The following SGCZ variants were observed in gnomAD, a reference collection of about 807,000 sequenced individuals.
SGCZ encodes zeta-sarcoglycan.
In SGCZ, 40 loss-of-function variants were observed where a neutral mutation model predicts 41.3. The observed-to-expected ratio is 0.97, with a 90% CI of 0.75 to 1.26. The LOEUF (loss-of-function observed/expected upper bound fraction) is 1.26. Ranked by LOEUF, SGCZ falls within the 50% of genes most tolerant of loss-of-function variation. The pLI is 0.00. For missense variants in SGCZ, 552 were observed against 369.8 expected, an observed-to-expected ratio of 1.49 and a Z score of -4.04; for synonymous variants, 206 against 137.5, an observed-to-expected ratio of 1.50 and a Z score of -3.49.
At chr8:15,171,937 G>A (rs1449156495) in intron 1 of SGCZ, among the ~76,000 whole-genome samples, 1 of 152,058 alleles carries the variant, frequency 6.6e-6, no homozygotes, top group African/African-American at 2.4e-5. Flanking sequence ...CAATTGAACA[G>A]AGTGCCTTCT....
intron 1 of SGCZ, among the ~76,000 whole-genome samples, chr8:14,825,312 A>G (rs1802263074): frequency 6.6e-6 from 1 of 152,144 alleles, no homozygotes; most frequent in Non-Finnish European, 1.5e-5. Flanking sequence ...ATCTCTCACT[A>G]TTCTTGTTTT....
chr8:15,096,122 G>C (rs1396950551), intron 1 of SGCZ, among the ~76,000 whole-genome samples: 1 of 151,982 alleles, frequency 6.6e-6, no homozygotes, highest in East Asian at 1.9e-4. Flanking sequence ...CTGTACCGCA[G>C]GCTGGAGTGC....
At chr8:14,343,120 G>A (rs1802768094) in intron 2 of SGCZ, among the ~76,000 whole-genome samples, 1 of 152,224 alleles carries the variant, frequency 6.6e-6, no homozygotes, top group Admixed American at 6.5e-5. Context: ...ATGAGGTTTG[G>A]ACACCTCTGC....
intron 7 of SGCZ, among the ~76,000 whole-genome samples, chr8:14,091,655 C>A (rs1801692462): frequency 6.6e-6 from 1 of 152,084 alleles, no homozygotes; most frequent in African/African-American, 2.4e-5. Context: ...ATTCTTCACC[C>A]ACTTTTTGAT....
At chr8:14,619,222 C>G (rs1585130010) in intron 1 of SGCZ, among the ~76,000 whole-genome samples, 2 of 152,156 alleles carry the variant, frequency 1.3e-5, no homozygotes, top group East Asian at 3.9e-4. Context: ...CAGAAAAGGC[C>G]TTTGACAAAA....
At chr8:14,375,111 TAGACAGACAGACAGAC>T (rs77420529) in intron 2 of SGCZ, among the ~76,000 whole-genome samples, 8 of 150,258 alleles carry the variant, frequency 5.3e-5, no homozygotes, top group East Asian at 2.0e-4. Flanking sequence ...GATAGATAGA[TAGACAGACAGACAGAC>T]AGACAGACAG....
intron 4 of SGCZ, among the ~76,000 whole-genome samples, chr8:14,201,332 G>C (rs1395049138): frequency 6.6e-6 from 1 of 152,130 alleles, no homozygotes; most frequent in Non-Finnish European, 1.5e-5. Flanking sequence ...TAAGCTTCTA[G>C]TGGCTTTATA....
At chr8:14,185,659 G>A (rs1015597121) in intron 4 of SGCZ, among the ~76,000 whole-genome samples, 2 of 151,902 alleles carry the variant, frequency 1.3e-5, no homozygotes, top group African/African-American at 4.8e-5. Context: ...ACTACCCATT[G>A]TTTTGTTTTG....
At chr8:14,325,652 G>A (rs1368538524) in intron 2 of SGCZ, among the ~76,000 whole-genome samples, 1 of 138,060 alleles carries the variant, frequency 7.2e-6, no homozygotes, top group Non-Finnish European at 1.6e-5. Flanking sequence ...TATAATCAAT[G>A]ATATATAATC....
At chr8:14,720,584 G>A (rs1809850365) in intron 1 of SGCZ, among the ~76,000 whole-genome samples, 1 of 151,726 alleles carries the variant, frequency 6.6e-6, no homozygotes, top group African/African-American at 2.4e-5. Context: ...CTTATGCAGT[G>A]AAGGCAAACT....
chr8:14,233,836 A>G (rs2117156910), intron 4 of SGCZ, among the ~76,000 whole-genome samples: 1 of 151,958 alleles, frequency 6.6e-6, no homozygotes. Flanking sequence ...GAAAATTTTG[A>G]CCTGGAGAAT....
chr8:14,675,138 CA>C (rs1384393649), intron 1 of SGCZ, among the ~76,000 whole-genome samples: 1 of 151,340 alleles, frequency 6.6e-6, no homozygotes, highest in Non-Finnish European at 1.5e-5. Context: ...GACAGGCTTT[CA>C]CCGTGTTAGT....
At chr8:14,182,739 T>C (rs546319922) in intron 4 of SGCZ, among the ~76,000 whole-genome samples, 8 of 152,274 alleles carry the variant, frequency 5.3e-5, no homozygotes, top group East Asian at 3.9e-4. Flanking sequence ...CCAGGCATGA[T>C]GGCTCATGCC....
chr8:14,302,117 C>A (rs1400953324), intron 3 of SGCZ, among the ~76,000 whole-genome samples: 1 of 152,032 alleles, frequency 6.6e-6, no homozygotes, highest in Non-Finnish European at 1.5e-5. Context: ...GTAATTGAAT[C>A]AAAATGTGGG....
At chr8:14,611,978 T>C (rs958039111) in intron 1 of SGCZ, among the ~76,000 whole-genome samples, 2 of 152,208 alleles carry the variant, frequency 1.3e-5, no homozygotes, top group African/African-American at 4.8e-5. Context: ...GTAATTCTTA[T>C]TGCTCTAGGA....
intron 1 of SGCZ, among the ~76,000 whole-genome samples, chr8:14,618,680 G>C (rs533550602): frequency 3.9e-4 from 59 of 152,272 alleles, no homozygotes; most frequent in Admixed American, 6.5e-5. Flanking sequence ...AGGAAGTTTT[G>C]TGTAGGAAGA....
In SGCZ at chr8:14,762,483, T is replaced by C. The variant is rs111777221; in HGVS notation, c.40-207557A>G. On this transcript the variant is annotated intron_variant, in intron 1 of 7. Coordinates refer to ENST00000382080, the MANE Select transcript of SGCZ (RefSeq NM_139167.4). ...TGTGAGGTAAAGGGGTTAATTTATG[T>C]GAAGTAATTAGCACAGCGCCCAACA... Among the ~76,000 whole-genome samples, 865 of 152,340 alleles carry C rather than the reference T, an allele frequency of 5.7e-3. 14 individuals carry two copies. The highest frequency in any genetic ancestry group is 0.02 in the African/African-American group (821 of 41,578).
intron 4 of SGCZ, among the ~76,000 whole-genome samples, chr8:14,225,681 G>C (rs2410167): frequency 6.6e-6 from 1 of 151,990 alleles, no homozygotes; most frequent in African/African-American, 2.4e-5. Flanking sequence ...TATGTATAAT[G>C]AGCACATAAC....
intron 5 of SGCZ, among the ~76,000 whole-genome samples, chr8:14,140,896 G>A (rs757521960): frequency 3.9e-5 from 6 of 152,142 alleles, no homozygotes; most frequent in African/African-American, 7.2e-5. Context: ...AACACTGGAG[G>A]CATAATGCTA....
Sources: allele counts gnomAD v4.1 joint callset (sites outside exome capture counted in the v4.1 genomes callset), GRCh38; gene constraint gnomAD v4.1.1; transcripts MANE v1.5; gene names NCBI Gene and HGNC (gene_info 2026-07-23, HGNC 2026-07-21).